The following CDH18 variants were observed in gnomAD, a reference collection of about 807,000 sequenced individuals.
CDH18 encodes the protein cadherin 18, also known as cadherin-18.
In CDH18, 31 loss-of-function variants were observed where a neutral mutation model predicts 67.9. The observed-to-expected ratio is 0.46, with a 90% CI of 0.34 to 0.62. The LOEUF (loss-of-function observed/expected upper bound fraction) is 0.62. CDH18 is among the 20% of genes least tolerant of loss of function. CDH18 has a pLI of 0.01. For missense variants in CDH18, 890 were observed against 975.5 expected (o/e 0.91, Z 1.17); for synonymous variants, 362 against 347.2 (o/e 1.04, Z -0.48).
At chr5:19,790,609 G>A (rs1000241283) in intron 3 of CDH18, among the ~76,000 whole-genome samples, 10 of 152,104 alleles carry the variant, frequency 6.6e-5, no homozygotes, top group African/African-American at 2.4e-4. Context: ...AGTGGTTCAT[G>A]TTGCTTCATC....
At chr5:19,603,991 T>C (rs1317584614) in intron 6 of CDH18, among the ~76,000 whole-genome samples, 1 of 151,702 alleles carries the variant, frequency 6.6e-6, no homozygotes, top group East Asian at 1.9e-4. Flanking sequence ...AACAGCTTTG[T>C]ATCTGGATGC....
chr5:19,694,982 A>G (rs1004178473), intron 5 of CDH18, among the ~76,000 whole-genome samples: 2 of 152,170 alleles, frequency 1.3e-5, no homozygotes, highest in African/African-American at 4.8e-5. Context: ...AACAGTGTAC[A>G]GCAGTACCTA....
At chr5:19,706,698 C>G (rs1263573716) in intron 5 of CDH18, among the ~76,000 whole-genome samples, 1 of 152,118 alleles carries the variant, frequency 6.6e-6, no homozygotes, top group African/African-American at 2.4e-5. Flanking sequence ...AGACAATGCC[C>G]CAGGCTATAC....
intron 8 of CDH18, among the ~76,000 whole-genome samples, chr5:19,558,184 C>T (rs778024230): frequency 6.6e-6 from 1 of 151,856 alleles, no homozygotes; most frequent in Admixed American, 6.6e-5. Flanking sequence ...ATGCCTACAT[C>T]AAAAAGTCTG....
At chr5:20,445,465 AAAG>A (rs1392686064) in intron 1 of CDH18, among the ~76,000 whole-genome samples, 2 of 152,364 alleles carry the variant, frequency 1.3e-5, no homozygotes, top group African/African-American at 4.8e-5. Context: ...TTAAAATGGC[AAAG>A]AAGACTTTAC....
intron 10 of CDH18, among the ~76,000 whole-genome samples, chr5:19,517,125 A>G (rs1364186647): frequency 6.6e-6 from 1 of 152,164 alleles, no homozygotes; most frequent in African/African-American, 2.4e-5. Context: ...TAATTTCTCC[A>G]CAATTTACCA....
chr5:20,074,581 C>A (rs899599331), intron 2 of CDH18, among the ~76,000 whole-genome samples: 1 of 152,148 alleles, frequency 6.6e-6, no homozygotes, highest in Non-Finnish European at 1.5e-5. Context: ...AGAATAAGTA[C>A]CAATGAACAT....
At chr5:20,198,242 T>C (rs1282137084) in intron 2 of CDH18, among the ~76,000 whole-genome samples, 1 of 152,152 alleles carries the variant, frequency 6.6e-6, no homozygotes, top group Non-Finnish European at 1.5e-5. Flanking sequence ...TGGAACAGTT[T>C]GGAGGGCAAG....
intron 1 of CDH18, among the ~76,000 whole-genome samples, chr5:20,316,169 T>A (rs955960288): frequency 6.6e-6 from 1 of 152,282 alleles, no homozygotes; most frequent in Middle Eastern, 3.4e-3. Context: ...ACTTCCAGTA[T>A]ATAATGATAA....
intron 2 of CDH18, among the ~76,000 whole-genome samples, chr5:20,204,777 G>T (rs559194107): frequency 1.7e-3 from 252 of 150,404 alleles, no homozygotes; most frequent in Non-Finnish European, 2.9e-3. Context: ...AGTGTAAAGG[G>T]TTTTTTTTTC....
At chr5:20,447,440 A>G (rs974330106) in intron 1 of CDH18, among the ~76,000 whole-genome samples, 4 of 151,782 alleles carry the variant, frequency 2.6e-5, no homozygotes, top group African/African-American at 7.3e-5. Context: ...GCTTTCTGCC[A>G]TGTGAAGACA....
chr5:20,214,451 T>C (rs1740600613), intron 2 of CDH18, among the ~76,000 whole-genome samples: 1 of 152,036 alleles, frequency 6.6e-6, no homozygotes. Flanking sequence ...ACTACAGGGC[T>C]ACAGTCACCA....
chr5:20,316,683 A>G (rs1402605811), intron 1 of CDH18, among the ~76,000 whole-genome samples: 3 of 152,020 alleles, frequency 2.0e-5, no homozygotes, highest in African/African-American at 7.2e-5. Context: ...AGACAACAGA[A>G]AGGAGATGGT....
At chr5:20,461,263 T>C (rs984532706) in intron 1 of CDH18, among the ~76,000 whole-genome samples, 3 of 152,220 alleles carry the variant, frequency 2.0e-5, no homozygotes, top group Non-Finnish European at 1.5e-5. Flanking sequence ...GTCTGCCTTC[T>C]GTAACTCCTG....
chr5:20,242,973 C>A (rs1743102558), intron 2 of CDH18, among the ~76,000 whole-genome samples: 1 of 151,994 alleles, frequency 6.6e-6, no homozygotes, highest in Non-Finnish European at 1.5e-5. Flanking sequence ...AAGATTAATT[C>A]TAAATCTTAC....
intron 2 of CDH18, among the ~76,000 whole-genome samples, chr5:19,866,164 T>G (rs2150000504): frequency 6.6e-6 from 1 of 152,322 alleles, no homozygotes; most frequent in Admixed American, 6.5e-5. Flanking sequence ...ACATGAAGCA[T>G]TTTCTCGCTA....
intron 1 of CDH18, among the ~76,000 whole-genome samples, chr5:20,334,368 A>C (rs1413934751): frequency 1.3e-5 from 2 of 150,836 alleles, no homozygotes; most frequent in African/African-American, 4.9e-5. Context: ...CGATCTCCTG[A>C]CCTCGTGATC....
intron 2 of CDH18, among the ~76,000 whole-genome samples, chr5:20,087,977 G>T (rs1477493524): frequency 6.6e-6 from 1 of 152,092 alleles, no homozygotes; most frequent in Non-Finnish European, 1.5e-5. Flanking sequence ...TATATAATCT[G>T]CCACAATAAC....
intron 12 of CDH18, among the ~76,000 whole-genome samples, chr5:19,477,711 C>T (rs1738721468): frequency 6.6e-6 from 1 of 151,964 alleles, no homozygotes; most frequent in African/African-American, 2.4e-5. Context: ...ATTCAAATGA[C>T]CCTGATAACC....
Sources: gnomAD v4.1 joint callset for allele counts (sites outside exome capture counted in the v4.1 genomes callset) on GRCh38, gnomAD v4.1.1 for gene constraint, MANE v1.5 for transcripts, NCBI Gene and HGNC (gene_info 2026-07-23, HGNC 2026-07-21) for gene names.